The following SRP54 variants were observed in gnomAD, a reference collection of about 807,000 sequenced individuals.
The protein encoded by SRP54 is signal recognition particle 54.
SRP54 carries 10 observed loss-of-function variants against 64.8 expected under a neutral mutation model. The observed-to-expected ratio is 0.15, with a 90% CI of 0.10 to 0.26. SRP54 has a LOEUF of 0.26. Among genes scored for constraint, SRP54 ranks in the 10% least tolerant of loss-of-function variants. The pLI is 1.00. For synonymous variants in SRP54, 193 were observed against 185.6 expected (o/e 1.04, Z -0.32); for missense variants, 325 against 613.7 (o/e 0.53, Z 4.97).
Position 35,008,632 on chromosome 14 carries a change from A to T in SRP54, c.366A>T (p.Ala122=). 1.3e-6 allele frequency: 2 copies of T among 1,569,576 alleles called. No individual in the cohort carries two copies. Among genetic ancestry groups the T allele is most frequent in the Non-Finnish European group, 1.7e-6 (2 of 1,156,604 alleles). ...TTAAATCTTTTCTCACCCAGCTAGCATATTATTACCAGAGGAAAGGTTGGA... is the reference window on the plus strand; with the variant it reads ...TTAAATCTTTTCTCACCCAGCTAGCTTATTATTACCAGAGGAAAGGTTGGA... ...SGKTTTCSKL[A]YYYQRKGWKT... Residue 122 remains alanine (A), a synonymous_variant, in exon 6 of 16, where the codon GCA becomes GCT. Transcript: ENST00000216774.
chr14:35,025,973 A>C (rs969132749), intron 14 of SRP54, among the ~76,000 whole-genome samples: 3 of 151,300 alleles, frequency 2.0e-5, no homozygotes, highest in Admixed American at 6.6e-5. Flanking sequence ...GGAGGATCCC[A>C]TGAGCCCAGG....
chr14:34,997,023 C>A, intron 2 of SRP54: 1 of 411,066 alleles, frequency 2.4e-6, no homozygotes, highest in Non-Finnish European at 4.3e-6. Flanking sequence ...AAAACCTGAC[C>A]TTAACTTACA....
intron 7 of SRP54, among the ~76,000 whole-genome samples, chr14:35,010,317 G>A (rs1455218731): frequency 6.6e-6 from 1 of 151,972 alleles, no homozygotes; most frequent in Non-Finnish European, 1.5e-5. Context: ...GTGGTGGCGT[G>A]TGCCTGTAAT....
intron 5 of SRP54, 44 bp from the exon 6 acceptor site, chr14:35,008,582 TG>T: frequency 1.6e-6 from 2 of 1,288,598 alleles, no homozygotes; most frequent in Non-Finnish European, 2.1e-6. Flanking sequence ...ATGTATAGTT[TG>T]TTATATTTTA....
At chr14:35,022,413 A>G (rs113428367) in intron 13 of SRP54, among the ~76,000 whole-genome samples, 1 of 151,640 alleles carries the variant, frequency 6.6e-6, no homozygotes, top group Non-Finnish European at 1.5e-5. Context: ...CTGGAGTGCA[A>G]TGGCGCAATC....
At chr14:35,010,115 T>TA (rs2044331920) in intron 7 of SRP54, among the ~76,000 whole-genome samples, 2 of 151,610 alleles carry the variant, frequency 1.3e-5, no homozygotes, top group South Asian at 4.2e-4. Context: ...GCCACTACCC[T>TA]TCAGCCTGGG....
chr14:35,025,380 CTT>C (rs2044604984), intron 14 of SRP54, among the ~76,000 whole-genome samples: 1 of 152,134 alleles, frequency 6.6e-6, no homozygotes. Context: ...CCTATTTTCT[CTT>C]TTGTGACAAA....
At chr14:35,023,299 AAATT>A (rs2044565468) in intron 14 of SRP54, among the ~76,000 whole-genome samples, 2 of 152,202 alleles carry the variant, frequency 1.3e-5, no homozygotes, top group Admixed American at 6.5e-5. Flanking sequence ...AAATGAAAAA[AAATT>A]AATAAAGCAA....
intron 2 of SRP54, among the ~76,000 whole-genome samples, chr14:34,997,623 T>TA (rs953999024): frequency 3.3e-5 from 5 of 152,320 alleles, no homozygotes; most frequent in African/African-American, 1.2e-4. Context: ...TTAGAAAACT[T>TA]ACGTAGAATT....
rs140022432 is a variant in SRP54 at position 35,025,387 on chromosome 14, G to A, written c.1327+2307G>A. 6.7e-3 allele frequency among the ~76,000 whole-genome samples: 1,023 copies of A among 152,064 alleles called. 18 individuals are homozygous for A. The highest frequency in any genetic ancestry group is 0.024 in the African/African-American group (989 of 41,498). ...TGCGATATCCTATTTTCTCTTTTGTGACAAAAAAATTAGACAAACATGTTG... is the reference window on the plus strand; with the variant it reads ...TGCGATATCCTATTTTCTCTTTTGTAACAAAAAAATTAGACAAACATGTTG... On this transcript the variant is annotated intron_variant, in intron 14 of 15. Transcript: ENST00000216774.
chr14:35,026,971 T>G (rs1370507264), intron 14 of SRP54, among the ~76,000 whole-genome samples: 1 of 151,684 alleles, frequency 6.6e-6, no homozygotes. Flanking sequence ...AAAAAACTTC[T>G]TAGATACATA....
At chr14:34,991,797 T>C (rs1424808282) in intron 1 of SRP54, among the ~76,000 whole-genome samples, 1 of 151,894 alleles carries the variant, frequency 6.6e-6, no homozygotes, top group East Asian at 1.9e-4. Flanking sequence ...ATGGAAGTCA[T>C]TGAGATTTTA....
intron 4 of SRP54, among the ~76,000 whole-genome samples, chr14:35,005,403 A>G (rs976794555): frequency 6.6e-6 from 1 of 152,216 alleles, no homozygotes; most frequent in African/African-American, 2.4e-5. Flanking sequence ...TTTCAATGTA[A>G]TAACTAGAAA....
intron 1 of SRP54, among the ~76,000 whole-genome samples, chr14:34,987,806 AT>A (rs1279944576): frequency 6.6e-6 from 1 of 152,188 alleles, no homozygotes; most frequent in Admixed American, 6.6e-5. Context: ...GATGGCTAAT[AT>A]TTTTTAATAC....
chr14:35,007,512 T>A (rs982458453), intron 5 of SRP54, 125 bp downstream of exon 5: 94 of 244,842 alleles, frequency 3.8e-4, no homozygotes, highest in African/African-American at 1.8e-3. Context: ...TTATTAATTA[T>A]AATTATTAGA....
chr14:35,014,197 TATAGTTAGA>T (rs2044400372), intron 10 of SRP54, among the ~76,000 whole-genome samples: 2 of 152,038 alleles, frequency 1.3e-5, no homozygotes, highest in Non-Finnish European at 2.9e-5. Flanking sequence ...CTCAAGGTGG[TATAGTTAGA>T]GAGCATGGAA....
At chr14:35,002,824 G>T (rs948245707) in intron 4 of SRP54, among the ~76,000 whole-genome samples, 1 of 138,120 alleles carries the variant, frequency 7.2e-6, no homozygotes, top group Non-Finnish European at 1.5e-5. Flanking sequence ...GCTCACTGTA[G>T]CCTCAACCTC....
intron 7 of SRP54, among the ~76,000 whole-genome samples, chr14:35,011,179 T>G (rs1026556344): frequency 6.6e-6 from 1 of 151,502 alleles, no homozygotes; most frequent in African/African-American, 2.4e-5. Context: ...TGCTTCCAAA[T>G]GGATGTTAAA....
chr14:35,019,810 AATAC>A (rs1439826362), intron 13 of SRP54, among the ~76,000 whole-genome samples: 3 of 152,248 alleles, frequency 2.0e-5, no homozygotes, highest in Non-Finnish European at 4.4e-5. Flanking sequence ...TATGTTTACA[AATAC>A]ATATACTGTA....
Sources: gnomAD v4.1 joint callset for allele counts (sites outside exome capture counted in the v4.1 genomes callset) on GRCh38, gnomAD v4.1.1 for gene constraint, MANE v1.5 for transcripts, NCBI Gene and HGNC (gene_info 2026-07-23, HGNC 2026-07-21) for gene names.